Variants in ASTN2 observed in about 807,000 individuals in gnomAD.
The protein encoded by ASTN2 is astrotactin 2.
ASTN2 carries 54 observed loss-of-function variants against 139.8 expected under a neutral mutation model. The observed-to-expected ratio is 0.39, with a 90% CI of 0.31 to 0.48. The LOEUF is 0.48. Ranked by LOEUF, ASTN2 falls within the 20% of genes least tolerant of loss-of-function variation. The pLI is 0.95. For missense variants in ASTN2, 1,565 were observed against 1,725.1 expected (o/e 0.91, Z 1.64); for synonymous variants, 756 against 719.5 (o/e 1.05, Z -0.81).
intron 20 of ASTN2, among the ~76,000 whole-genome samples, chr9:116,480,619 T>C (rs1849136279): frequency 6.6e-6 from 1 of 152,188 alleles, no homozygotes; most frequent in South Asian, 2.1e-4. Flanking sequence ...TGGCTTTGTG[T>C]GTCTGTGTGC....
intron 1 of ASTN2, among the ~76,000 whole-genome samples, chr9:117,323,449 G>A (rs563189531): frequency 2.6e-5 from 4 of 152,184 alleles, no homozygotes; most frequent in Admixed American, 6.5e-5. Context: ...GCCTCTTCAG[G>A]GAACATGGAT....
intron 19 of ASTN2, chr9:116,562,371 G>A (rs1479152392): frequency 1.4e-5 from 2 of 147,430 alleles, no homozygotes; most frequent in African/African-American, 5.1e-5. Context: ...GCATTCCACT[G>A]GACTAATGTT....
In ASTN2 at chr9:116,699,493, A is replaced by G; in HGVS notation, c.2806+26278T>C. On this transcript the variant is annotated intron_variant, in intron 16 of 22. Coordinates refer to ENST00000313400, the MANE Select transcript of ASTN2 (RefSeq NM_001365068.1). This position sits in a 1 kb window ranked among gnomAD's most constrained non-coding sequence, Gnocchi z 4.2. ...CGCTGCATTGCTGGCATGTGTGTGG[A>G]TGCTCGTGGTGATCTCATCGTGGCT... 1 of 1,614,144 alleles carries G rather than the reference A, an allele frequency of 6.2e-7. No homozygotes were observed. Among genetic ancestry groups the G allele is most frequent in the Non-Finnish European group, 8.5e-7 (1 of 1,180,024 alleles).
At chr9:116,984,401 C>T (rs1176147854) in intron 7 of ASTN2, among the ~76,000 whole-genome samples, 2 of 152,208 alleles carry the variant, frequency 1.3e-5, no homozygotes, top group African/African-American at 2.4e-5. Flanking sequence ...TCATTACTGG[C>T]CCAGCCAATT....
At chr9:117,137,963 C>CGTT (rs1172834957) in intron 4 of ASTN2, among the ~76,000 whole-genome samples, 2 of 152,064 alleles carry the variant, frequency 1.3e-5, no homozygotes, top group Non-Finnish European at 2.9e-5. Flanking sequence ...ATTCTCTGGG[C>CGTT]GTTGGTACCA....
intron 13 of ASTN2, among the ~76,000 whole-genome samples, chr9:116,748,273 A>C (rs192643433): frequency 5.3e-5 from 8 of 152,306 alleles, no homozygotes; most frequent in Admixed American, 2.6e-4. Flanking sequence ...TCCTTAACAG[A>C]TCTGCAGGGC....
chr9:116,949,812 C>T (rs1835506006), intron 10 of ASTN2, among the ~76,000 whole-genome samples: 2 of 152,150 alleles, frequency 1.3e-5, no homozygotes, highest in African/African-American at 4.8e-5. Flanking sequence ...GAGTTTGAAA[C>T]TTTCTTTGCC....
rs1346730212 is a variant in ASTN2, at chr9:117,414,079, AG to A, written c.442+417del. On this transcript the variant is annotated intron_variant, in intron 1 of 22. Transcript: ENST00000313400. This position sits in a 1 kb window ranked among gnomAD's most constrained non-coding sequence, Gnocchi z 4.2. The stretch of plus-strand genomic sequence containing the variant: ...AACCCGCAACTCCGAGGCGAGAGCG[AG>A]GGGGCGGTGACGGCGGGTGGCCAGT... 1.3e-5 allele frequency among the ~76,000 whole-genome samples: 2 copies of A among 152,100 alleles called. No homozygotes were observed. Among genetic ancestry groups the A allele is most frequent in the Admixed American group, 1.3e-4 (2 of 15,282 alleles).
rs376734968 is a variant in ASTN2 at position 117,221,193 on chromosome 9, C to T, written c.631-6451G>A. Among the ~76,000 whole-genome samples, 7 of 152,248 alleles carry T rather than the reference C, an allele frequency of 4.6e-5. No individual in the cohort carries two copies. In the East Asian group the frequency reaches 9.7e-4, roughly 21 times the overall value. ...TATGCCCCTTTGCTGCTTTTACTTT[C>T]TCCAATGCCAGTGCCTTCAGCTGGT... On this transcript the variant is annotated intron_variant, in intron 2 of 22. Transcript: ENST00000313400.
At chr9:117,386,580 G>A (rs1387889508) in intron 1 of ASTN2, among the ~76,000 whole-genome samples, 1 of 152,184 alleles carries the variant, frequency 6.6e-6, no homozygotes. Context: ...TTCTGGGAAG[G>A]AGAGCTGAAA....
chr9:116,672,340 T>C (rs1291795009), intron 16 of ASTN2, among the ~76,000 whole-genome samples: 3 of 151,612 alleles, frequency 2.0e-5, no homozygotes, highest in African/African-American at 7.3e-5. Flanking sequence ...CACTCCACCC[T>C]GGGTGACAGA....
rs534087948 is a variant in ASTN2 at position 117,312,371 on chromosome 9, T to G, written c.443-20858A>C. ...AGGTGGTTAGGTGCTACAAGGTCTT[T>G]AACAAGCCAGAGAAAGCAGGCTTCA... On this transcript the variant is annotated intron_variant, in intron 1 of 22. Coordinates refer to ENST00000313400, the MANE Select transcript of ASTN2 (RefSeq NM_001365068.1). Among the ~76,000 whole-genome samples the G allele has an allele frequency of 1.5e-4, 23 of 152,286 alleles. 1 individual carries two copies. The highest frequency in any genetic ancestry group is 5.5e-4 in the African/African-American group (23 of 41,562).
At chr9:116,667,200 C>A (rs1051063086) in intron 16 of ASTN2, among the ~76,000 whole-genome samples, 2 of 151,984 alleles carry the variant, frequency 1.3e-5, no homozygotes, top group South Asian at 4.1e-4. Context: ...AAGTGATCCA[C>A]CCACCTCAGC....
intron 1 of ASTN2, among the ~76,000 whole-genome samples, chr9:117,340,460 A>G (rs1458522893): frequency 2.0e-5 from 3 of 152,010 alleles, no homozygotes; most frequent in Admixed American, 2.0e-4. Context: ...GCACCCTGCT[A>G]AATTTTTCTG....
chr9:117,081,954 C>G (rs1247601857), intron 5 of ASTN2, among the ~76,000 whole-genome samples: 3 of 152,194 alleles, frequency 2.0e-5, no homozygotes, highest in Non-Finnish European at 2.9e-5. Flanking sequence ...TGACTTCAGC[C>G]TCTTACATGA....
intron 22 of ASTN2, among the ~76,000 whole-genome samples, chr9:116,434,300 C>A (rs996210426): frequency 2.0e-5 from 3 of 152,158 alleles, no homozygotes; most frequent in Admixed American, 6.5e-5. Context: ...AGGAATATGA[C>A]CCTAGAAGCC....
chr9:116,950,262 C>T (rs147307432), intron 10 of ASTN2, among the ~76,000 whole-genome samples: 2 of 152,274 alleles, frequency 1.3e-5, no homozygotes, highest in East Asian at 1.9e-4. Context: ...ACATTGTTTC[C>T]AGACATTGCT....
At chr9:116,723,588 G>A (rs1456063355) in intron 16 of ASTN2, among the ~76,000 whole-genome samples, 4 of 152,124 alleles carry the variant, frequency 2.6e-5, no homozygotes, top group African/African-American at 4.8e-5. Context: ...ACTCATGGCC[G>A]GGGAGAAAAG....
chr9:116,885,331 T>C (rs1479701650), intron 10 of ASTN2, among the ~76,000 whole-genome samples: 1 of 152,110 alleles, frequency 6.6e-6, no homozygotes, highest in African/African-American at 2.4e-5. Context: ...AGGTACCCCA[T>C]GAATAAGTAT....
Sources: gnomAD v4.1 joint callset for allele counts (sites outside exome capture counted in the v4.1 genomes callset) on GRCh38, gnomAD v4.1.1 for gene constraint, Gnocchi (gnomAD v3.1) non-coding constraint, MANE v1.5 for transcripts, NCBI Gene and HGNC (gene_info 2026-07-23, HGNC 2026-07-21) for gene names.